Variants in ADAMTSL1 observed in about 807,000 individuals in gnomAD.
ADAMTSL1 encodes ADAMTS-like protein 1.
In ADAMTSL1, 126 loss-of-function variants were observed where a neutral mutation model predicts 201.8. The ratio of observed to expected loss-of-function variants is 0.62; its 90% confidence interval spans 0.54 to 0.72. The LOEUF is 0.72. Among genes scored for constraint, ADAMTSL1 ranks in the 30% least tolerant of loss-of-function variants. The probability of loss-of-function intolerance (pLI) is 0.00; values close to 1 mark genes in which losing one functional copy is unlikely to be tolerated. For synonymous variants in ADAMTSL1, 1,121 were observed against 903.4 expected, an observed-to-expected ratio of 1.24 and a Z score of -4.32; for missense variants, 2,679 against 2,277.8, an observed-to-expected ratio of 1.18 and a Z score of -3.59.
chr9:18,310,738 C>G (rs924281703), intron 2 of ADAMTSL1, among the ~76,000 whole-genome samples: 28 of 152,058 alleles, frequency 1.8e-4, no homozygotes, highest in Non-Finnish European at 3.7e-4. Flanking sequence ...GAAATAGGAA[C>G]TTTTTACACT....
chr9:18,603,905 C>T (rs556665199), intron 4 of ADAMTSL1, among the ~76,000 whole-genome samples: 16 of 152,282 alleles, frequency 1.1e-4, no homozygotes, highest in Admixed American at 9.2e-4. Flanking sequence ...AAAGAAAAGA[C>T]AGTACAGAGA....
At chr9:18,659,796 G>A (rs776773) in intron 8 of ADAMTSL1, among the ~76,000 whole-genome samples, 51,106 of 151,766 alleles carry the variant, frequency 0.34, 8,885 homozygotes, top group East Asian at 0.68. Context: ...AAGGAAAATC[G>A]CTTTGTTTAA....
rs781157451 is a variant in ADAMTSL1, at chr9:18,817,132, C to A, written c.3829C>A (p.Arg1277=). 1.2e-6 allele frequency: 2 copies of A among 1,606,878 alleles called. No individual in the cohort carries two copies. The highest frequency in any genetic ancestry group is 1.7e-6 in the Non-Finnish European group (2 of 1,176,774). Residue 1277 remains arginine, a synonymous_variant, in exon 21 of 29, where the codon CGA becomes AGA. Transcript: ENST00000380548. ...AGGAAAGCCACTAGTGAAAACGTCA[C>A]GAATGACAGTGATCAACACGGAGAA... ...LAGKPLVKTS[R]MTVINTEKPA...
intron 2 of ADAMTSL1, among the ~76,000 whole-genome samples, chr9:18,349,208 G>A (rs373836521): frequency 1.3e-5 from 2 of 152,212 alleles, no homozygotes; most frequent in South Asian, 4.1e-4. Context: ...AGGAGAAAAT[G>A]AGACTTATGT....
intron 2 of ADAMTSL1, among the ~76,000 whole-genome samples, chr9:18,379,956 T>G (rs1837479452): frequency 6.6e-6 from 1 of 152,114 alleles, no homozygotes; most frequent in Non-Finnish European, 1.5e-5. Context: ...CATAAAGAAA[T>G]AAAGCACATA....
intron 14 of ADAMTSL1, among the ~76,000 whole-genome samples, chr9:18,712,266 G>C (rs1224497748): frequency 6.6e-6 from 1 of 152,244 alleles, no homozygotes; most frequent in Non-Finnish European, 1.5e-5. Context: ...TTGATGAGCT[G>C]AGAGAAGAAG....
intron 9 of ADAMTSL1, among the ~76,000 whole-genome samples, chr9:18,672,802 A>G (rs1829902002): frequency 1.3e-5 from 2 of 152,204 alleles, no homozygotes; most frequent in South Asian, 4.1e-4. Flanking sequence ...CAATTCAGTA[A>G]GACATGTATT....
chr9:18,844,202 G>A (rs1285666787), intron 23 of ADAMTSL1, among the ~76,000 whole-genome samples: 1 of 152,176 alleles, frequency 6.6e-6, no homozygotes, highest in Non-Finnish European at 1.5e-5. Flanking sequence ...GTGATGTACA[G>A]ATGGGTTTTT....
chr9:18,448,027 T>C (rs920236536), intron 2 of ADAMTSL1, among the ~76,000 whole-genome samples: 34 of 149,842 alleles, frequency 2.3e-4, no homozygotes, highest in Admixed American at 1.3e-3. Context: ...CTCTCGCTCT[T>C]TCTCTCTCTC....
Position 18,703,041 on chromosome 9 carries a change from C to T in ADAMTSL1, c.1575-3706C>T, listed in dbSNP as rs151034326. Among the ~76,000 whole-genome samples, 1,208 of 152,178 alleles carry T rather than the reference C, an allele frequency of 7.9e-3. 15 individuals carry two copies. Among genetic ancestry groups the T allele is most frequent in the African/African-American group, 0.028 (1,142 of 41,514 alleles). ...CCTCCCAAAGTGCTGGGATCCCAGG[C>T]GTGAGTGCCCGGCCGACAAGAAGAA... On this transcript the variant is annotated intron_variant, in intron 13 of 28. Coordinates refer to ENST00000380548, the MANE Select transcript of ADAMTSL1 (RefSeq NM_001040272.6).
At chr9:18,024,452 T>C (rs1347610374) in intron 1 of ADAMTSL1, among the ~76,000 whole-genome samples, 13 of 152,066 alleles carry the variant, frequency 8.5e-5, no homozygotes. Context: ...GTGTCTATTG[T>C]TCCCATCTTT....
intron 2 of ADAMTSL1, among the ~76,000 whole-genome samples, chr9:18,241,753 A>G (rs1831073339): frequency 6.6e-6 from 1 of 152,112 alleles, no homozygotes; most frequent in Non-Finnish European, 1.5e-5. Flanking sequence ...TTATATACCA[A>G]AAAATGGGAT....
At chr9:17,966,395 A>G (rs909412636) in intron 1 of ADAMTSL1, among the ~76,000 whole-genome samples, 2 of 152,196 alleles carry the variant, frequency 1.3e-5, no homozygotes, top group African/African-American at 4.8e-5. Context: ...ACACCACCCA[A>G]GCGAAGAAAC....
At chr9:18,834,028 T>C (rs1430246275) in intron 23 of ADAMTSL1, among the ~76,000 whole-genome samples, 1 of 152,190 alleles carries the variant, frequency 6.6e-6, no homozygotes, top group Non-Finnish European at 1.5e-5. Flanking sequence ...GGGTTCTCTA[T>C]TCTGTTCCAT....
At chr9:18,499,176 T>C (rs181813791) in intron 1 of ADAMTSL1, among the ~76,000 whole-genome samples, 1 of 152,334 alleles carries the variant, frequency 6.6e-6, no homozygotes, top group Admixed American at 6.5e-5. Context: ...CTCCCAACAG[T>C]GCAGCTGTGA....
intron 4 of ADAMTSL1, among the ~76,000 whole-genome samples, chr9:18,606,414 C>G (rs1030549778): frequency 1.3e-5 from 2 of 152,126 alleles, no homozygotes; most frequent in African/African-American, 4.8e-5. Context: ...ATGTAGTGGG[C>G]TAGGTTTTTA....
intron 2 of ADAMTSL1, among the ~76,000 whole-genome samples, chr9:18,408,543 G>T (rs937645307): frequency 2.0e-5 from 3 of 152,112 alleles, no homozygotes; most frequent in Non-Finnish European, 4.4e-5. Context: ...ACTGGGCCCT[G>T]GTGATACCAT....
intron 2 of ADAMTSL1, among the ~76,000 whole-genome samples, chr9:18,262,237 T>C (rs926271067): frequency 1.3e-5 from 2 of 152,030 alleles, no homozygotes; most frequent in African/African-American, 4.8e-5. Flanking sequence ...ATACAGGAGC[T>C]AAGGATCATA....
At chr9:18,889,384 C>T (rs774119968) in intron 24 of ADAMTSL1, among the ~76,000 whole-genome samples, 184 bp from the exon 25 acceptor site, 5 of 152,210 alleles carry the variant, frequency 3.3e-5, no homozygotes, top group Non-Finnish European at 7.3e-5. Context: ...CTAGAGACCA[C>T]GTGACTTCCC....
Sources: allele counts gnomAD v4.1 joint callset (sites outside exome capture counted in the v4.1 genomes callset), GRCh38; gene constraint gnomAD v4.1.1; transcripts MANE v1.5; gene names NCBI Gene and HGNC (gene_info 2026-07-23, HGNC 2026-07-21).